The following FGD4 variants were observed in gnomAD, a reference collection of about 807,000 sequenced individuals.
The protein encoded by FGD4 is FYVE, RhoGEF and PH domain containing 4.
FGD4 carries 42 observed loss-of-function variants against 102.0 expected under a neutral mutation model. The ratio of observed to expected loss-of-function variants is 0.41; its 90% CI spans 0.32 to 0.53. FGD4 has a LOEUF of 0.53. Ranked by LOEUF, FGD4 falls within the 20% of genes least tolerant of loss-of-function variation. The probability of loss-of-function intolerance (pLI) is 0.21; values close to 1 mark genes in which losing one functional copy is unlikely to be tolerated. For synonymous variants in FGD4, 380 were observed against 375.7 expected (o/e 1.01, Z -0.13); for missense variants, 902 against 1,078.2 (o/e 0.84, Z 2.29).
chr12:32,435,134 AGTTTCTC>A (rs1942184199), intron 1 of FGD4, among the ~76,000 whole-genome samples: 1 of 151,856 alleles, frequency 6.6e-6, no homozygotes, highest in Non-Finnish European at 1.5e-5. Context: ...ATAGAGATGG[AGTTTCTC>A]CATGTTTGTC....
intron 1 of FGD4, among the ~76,000 whole-genome samples, chr12:32,426,938 A>G (rs1941857353): frequency 7.4e-6 from 1 of 134,778 alleles, no homozygotes; most frequent in Admixed American, 7.3e-5. Flanking sequence ...TATTCTGTCT[A>G]TCTGATTCTT....
At chr12:32,607,671 C>T (rs549462257) in intron 7 of FGD4, among the ~76,000 whole-genome samples, 8 of 152,264 alleles carry the variant, frequency 5.3e-5, no homozygotes, top group Admixed American at 2.6e-4. Flanking sequence ...TGTGCCACCA[C>T]GCCTGGCTAA....
At chr12:32,602,988 G>A (rs1282420357) in intron 7 of FGD4, among the ~76,000 whole-genome samples, 1 of 151,948 alleles carries the variant, frequency 6.6e-6, no homozygotes, top group African/African-American at 2.4e-5. Flanking sequence ...GTTGCTTTTA[G>A]GATTATAGTA....
intron 1 of FGD4, among the ~76,000 whole-genome samples, chr12:32,404,858 A>T (rs1940855014): frequency 6.6e-6 from 1 of 152,212 alleles, no homozygotes; most frequent in African/African-American, 2.4e-5. Context: ...AGCTCCTTAA[A>T]GATGGGCTCT....
At chr12:32,497,767 C>T (rs1038455390) in intron 1 of FGD4, among the ~76,000 whole-genome samples, 1 of 152,184 alleles carries the variant, frequency 6.6e-6, no homozygotes, top group Non-Finnish European at 1.5e-5. Flanking sequence ...GCCATTTCAA[C>T]TGGTACTTGA....
chr12:32,619,112 T>C (rs1293638979), intron 10 of FGD4, among the ~76,000 whole-genome samples: 1 of 152,240 alleles, frequency 6.6e-6, no homozygotes, highest in Non-Finnish European at 1.5e-5. Context: ...GTGAATTTAT[T>C]GAACTAATTT....
chr12:32,573,055 A>G (rs1945804147), intron 2 of FGD4, among the ~76,000 whole-genome samples: 1 of 152,188 alleles, frequency 6.6e-6, no homozygotes, highest in South Asian at 2.1e-4. Context: ...CTCTGGGTAC[A>G]GACTATTAGA....
intron 10 of FGD4, among the ~76,000 whole-genome samples, chr12:32,617,822 T>C (rs757192925): frequency 1.3e-5 from 2 of 152,264 alleles, no homozygotes; most frequent in Non-Finnish European, 1.5e-5. Flanking sequence ...ACTTGGTTTC[T>C]TCCTATATAT....
intron 14 of FGD4, among the ~76,000 whole-genome samples, chr12:32,627,221 C>T (rs191857041): frequency 6.6e-6 from 1 of 150,864 alleles, no homozygotes; most frequent in African/African-American, 2.4e-5. Context: ...ATGTTGTGAT[C>T]TTGGCTCACT....
At chr12:32,424,513 T>C (rs1184439787) in intron 1 of FGD4, among the ~76,000 whole-genome samples, 2 of 152,220 alleles carry the variant, frequency 1.3e-5, no homozygotes, top group African/African-American at 4.8e-5. Flanking sequence ...CTATTGTGAA[T>C]AGTGCTGCAG....
chr12:32,595,067 A>G (rs867755845), intron 4 of FGD4, among the ~76,000 whole-genome samples: 14 of 151,820 alleles, frequency 9.2e-5, no homozygotes, highest in Admixed American at 2.6e-4. Flanking sequence ...AAATAAAACA[A>G]AGGGCTTACA....
Position 32,506,919 on chromosome 12 carries a change from T to C in FGD4, c.167-57218T>C, listed in dbSNP as rs1938809629. Among the ~76,000 whole-genome samples the C allele has an allele frequency of 1.3e-5, 2 of 152,174 alleles. No individual in the cohort carries two copies. The highest frequency in any genetic ancestry group is 4.2e-4 in the South Asian group (2 of 4,810). On this transcript the variant is annotated intron_variant, in intron 1 of 16. Transcript: ENST00000534526. This position sits in a 1 kb window ranked among gnomAD's most constrained non-coding sequence, Gnocchi z 4.5. ...AAAGAGGGAGTTGAGGGTGGCAAAC[T>C]TTATTTTTATTTATTTTTTATTATT...
chr12:32,640,921 T>G lies in FGD4; in HGVS notation c.*388T>G, dbSNP rs1388959071. On this transcript the variant is annotated 3_prime_UTR_variant, in exon 17 of 17. Transcript: ENST00000534526. ...ACAGTTTGAAAGATATACCTCCATG[T>G]TGCCAAAATAGATCCATGGTGAAAA... 8.2e-6 allele frequency: 3 copies of G among 364,562 alleles called. No individual in the cohort carries two copies. The highest frequency in any genetic ancestry group is 6.3e-5 in the African/African-American group (3 of 47,980). 22.6% of individuals were successfully genotyped at this position (364,562 alleles called of 1,614,324 possible). A position where few individuals can be genotyped will look rare whatever the true frequency, so the allele number is the denominator to read the frequency against.
intron 1 of FGD4, among the ~76,000 whole-genome samples, chr12:32,453,027 T>A (rs2136477606): frequency 6.6e-6 from 1 of 151,732 alleles, no homozygotes; most frequent in South Asian, 2.1e-4. Flanking sequence ...TTTATTGAAC[T>A]TTCTATTATA....
chr12:32,567,621 C>T (rs1446873562), intron 2 of FGD4, among the ~76,000 whole-genome samples: 6 of 151,314 alleles, frequency 4.0e-5, no homozygotes, highest in South Asian at 2.1e-4. Context: ...AAAATAAGCA[C>T]GTAATTATAT....
Position 32,427,243 on chromosome 12 carries a change from G to A in FGD4, c.166+27284G>A, listed in dbSNP as rs544189629. The stretch of plus-strand genomic sequence containing the variant: ...CTCTAAACACTGCTTTAGCTGCATC[G>A]CAGAGATTCTGGTACGTTGTTTCTT... On this transcript the variant is annotated intron_variant, in intron 1 of 16. Transcript: ENST00000534526. Among the ~76,000 whole-genome samples the A allele has an allele frequency of 9.7e-4, 147 of 152,070 alleles. 1 individual carries two copies. Among genetic ancestry groups the A allele is most frequent in the Admixed American group, 1.3e-3 (20 of 15,254 alleles).
chr12:32,498,667 G>A (rs947272671), intron 1 of FGD4, among the ~76,000 whole-genome samples: 12 of 152,042 alleles, frequency 7.9e-5, no homozygotes, highest in African/African-American at 2.2e-4. Flanking sequence ...GCAGTGATGC[G>A]ATCTTGGCTT....
At chr12:32,623,422 C>T (rs1949965775) in intron 11 of FGD4, among the ~76,000 whole-genome samples, 1 of 151,974 alleles carries the variant, frequency 6.6e-6, no homozygotes, top group Non-Finnish European at 1.5e-5. Context: ...CAGAAGCTTC[C>T]ACTTGGCAGA....
At chr12:32,530,500 A>T (rs10844234) in intron 1 of FGD4, among the ~76,000 whole-genome samples, 37,522 of 152,106 alleles carry the variant, frequency 0.25, 5,368 homozygotes, top group Middle Eastern at 0.44. Context: ...TATCACGTGA[A>T]TGTTTGGCAG....
Sources: allele counts gnomAD v4.1 joint callset (sites outside exome capture counted in the v4.1 genomes callset), GRCh38; gene constraint gnomAD v4.1.1; non-coding constraint Gnocchi (gnomAD v3.1); transcripts MANE v1.5; gene names NCBI Gene and HGNC (gene_info 2026-07-23, HGNC 2026-07-21).